The following APBA2 variants were observed in gnomAD, a reference collection of about 807,000 sequenced individuals.
APBA2 encodes the protein amyloid-beta A4 precursor protein-binding family A member 2.
A neutral mutation model predicts 75.0 loss-of-function variants in APBA2; 30 were observed. The observed-to-expected ratio is 0.40, with a 90% CI of 0.30 to 0.54. The LOEUF (loss-of-function observed/expected upper bound fraction) is 0.54, where lower values mean the gene tolerates loss of function less well. Ranked by LOEUF, APBA2 falls within the 20% of genes least tolerant of loss-of-function variation. The pLI is 0.49. For missense variants in APBA2, 801 were observed against 1,016.1 expected (o/e 0.79, Z 2.88); for synonymous variants, 444 against 409.6 (o/e 1.08, Z -1.01).
At chr15:29,039,729 A>G (rs1168881080) in intron 3 of APBA2, among the ~76,000 whole-genome samples, 2 of 152,170 alleles carry the variant, frequency 1.3e-5, no homozygotes, top group Non-Finnish European at 2.9e-5. Flanking sequence ...GTGTCTGATT[A>G]ATCGAATGAA....
At chr15:28,957,747 G>A (rs370266555) in intron 2 of APBA2, among the ~76,000 whole-genome samples, 1 of 152,164 alleles carries the variant, frequency 6.6e-6, no homozygotes, top group African/African-American at 2.4e-5. Context: ...AGAGGGCGAC[G>A]GGTGGTGCTG....
intron 3 of APBA2, among the ~76,000 whole-genome samples, chr15:29,051,366 G>A (rs2041586062): frequency 6.6e-6 from 1 of 152,122 alleles, no homozygotes; most frequent in African/African-American, 2.4e-5. Context: ...TCCTGGTGTG[G>A]GACATCTTTG....
At chr15:29,004,550 A>G (rs991948458) in intron 3 of APBA2, among the ~76,000 whole-genome samples, 1 of 151,082 alleles carries the variant, frequency 6.6e-6, no homozygotes, top group African/African-American at 2.4e-5. Context: ...TGCTTCCTCC[A>G]TCCTGGGCCT....
At chr15:28,893,395 A>G (rs1320762497) in intron 1 of APBA2, among the ~76,000 whole-genome samples, 1 of 152,174 alleles carries the variant, frequency 6.6e-6, no homozygotes, top group African/African-American at 2.4e-5. Context: ...GATTCTGGCT[A>G]GTACTTGTGA....
chr15:29,050,579 T>C lies in APBA2; in HGVS notation c.-40-3266T>C, dbSNP rs532951108. ...GTGGAAAATAAACTCCTGGTTCTAT[T>C]GTAGTTCTCCTACAATGTCCTCAGT... On this transcript the variant is annotated intron_variant, in intron 3 of 14. Transcript: ENST00000683413. Among the ~76,000 whole-genome samples, 11 of 152,338 alleles carry C rather than the reference T, an allele frequency of 7.2e-5. No homozygotes were observed. The South Asian group carries it at 2.1e-3, about 29-fold the overall frequency.
At chr15:29,018,913 G>A (rs577959512) in intron 3 of APBA2, among the ~76,000 whole-genome samples, 1 of 152,230 alleles carries the variant, frequency 6.6e-6, no homozygotes, top group African/African-American at 2.4e-5. Context: ...TTCTTTAACT[G>A]GGACATGAGG....
intron 2 of APBA2, chr15:28,990,357 G>A (rs1393599200): frequency 2.0e-5 from 3 of 150,280 alleles, no homozygotes; most frequent in African/African-American, 7.4e-5. Flanking sequence ...GTTGCAGTGA[G>A]CTGCACTCCA....
chr15:28,961,573 G>A (rs1219673508), intron 2 of APBA2: 1 of 152,228 alleles, frequency 6.6e-6, no homozygotes, highest in Admixed American at 6.5e-5. Context: ...TGTGAATGAC[G>A]GAGTGTCTTT....
chr15:28,998,715 G>C (rs2038678539), intron 3 of APBA2, among the ~76,000 whole-genome samples: 1 of 152,214 alleles, frequency 6.6e-6, no homozygotes, highest in Admixed American at 6.5e-5. Context: ...CATATGTATA[G>C]GAAGCCAGGA....
At chr15:29,072,404 G>A (rs1480188205) in intron 4 of APBA2, among the ~76,000 whole-genome samples, 1 of 152,182 alleles carries the variant, frequency 6.6e-6, no homozygotes, top group South Asian at 2.1e-4. Flanking sequence ...CCCAAATAAG[G>A]TTTACTTTAG....
At chr15:29,041,484 GAAA>G (rs56701766) in intron 3 of APBA2, among the ~76,000 whole-genome samples, 4 of 60,202 alleles carry the variant, frequency 6.6e-5, no homozygotes, top group Non-Finnish European at 1.5e-4. Flanking sequence ...CCCTGTCTCA[GAAA>G]AAAAAAAAAA....
chr15:28,964,799 A>AT (rs1424629061), intron 2 of APBA2, among the ~76,000 whole-genome samples: 1 of 151,030 alleles, frequency 6.6e-6, no homozygotes, highest in Non-Finnish European at 1.5e-5. Flanking sequence ...ACTTTTGCTC[A>AT]TTTTCTAATT....
intron 1 of APBA2, among the ~76,000 whole-genome samples, chr15:28,886,559 G>T (rs564320142): frequency 1.9e-3 from 255 of 137,212 alleles, no homozygotes; most frequent in Admixed American, 4.6e-3. Flanking sequence ...ATCCCGCGCG[G>T]GGGGCACCGC....
chr15:29,108,929 G>A (rs2044585115), intron 13 of APBA2, among the ~76,000 whole-genome samples: 1 of 152,222 alleles, frequency 6.6e-6, no homozygotes, highest in South Asian at 2.1e-4. Context: ...ACCTGTACCA[G>A]TTCCCCAGGC....
At chr15:28,962,928 A>G (rs971405861) in intron 2 of APBA2, among the ~76,000 whole-genome samples, 6 of 152,160 alleles carry the variant, frequency 3.9e-5, no homozygotes, top group Non-Finnish European at 8.8e-5. Context: ...TATGGTGTGG[A>G]AGACAGCTAC....
chr15:28,971,073 T>C (rs567218987), intron 2 of APBA2, among the ~76,000 whole-genome samples: 3 of 152,288 alleles, frequency 2.0e-5, no homozygotes, highest in South Asian at 2.1e-4. Flanking sequence ...ACCATGTAAA[T>C]TGCGTTTTCT....
chr15:28,889,421 G>T (rs1264139826), intron 1 of APBA2, among the ~76,000 whole-genome samples: 1 of 152,210 alleles, frequency 6.6e-6, no homozygotes, highest in East Asian at 1.9e-4. Flanking sequence ...CTGCAAGTTG[G>T]CCCAGGCCAG....
At chr15:28,903,355 A>G (rs1284006836) in intron 1 of APBA2, among the ~76,000 whole-genome samples, 1 of 152,318 alleles carries the variant, frequency 6.6e-6, no homozygotes, top group East Asian at 1.9e-4. Flanking sequence ...AAGAGAGCCA[A>G]CATCTTCATG....
chr15:29,057,673 A>G (rs553470825), intron 4 of APBA2, among the ~76,000 whole-genome samples: 1 of 152,340 alleles, frequency 6.6e-6, no homozygotes, highest in South Asian at 2.1e-4. Context: ...GATTATTTGT[A>G]GTGACCTTTC....
Sources: gnomAD v4.1 joint callset for allele counts (sites outside exome capture counted in the v4.1 genomes callset) on GRCh38, gnomAD v4.1.1 for gene constraint, MANE v1.5 for transcripts, NCBI Gene and HGNC (gene_info 2026-07-23, HGNC 2026-07-21) for gene names.